Variants in SKIC3 observed in about 807,000 individuals in gnomAD.
SKIC3 encodes SKI3 subunit of superkiller complex, also known as superkiller complex protein 3.
the SKIC3 span, chr5:95,530,315 T>C: frequency 6.7e-7 from 1 of 1,500,412 alleles, no homozygotes; most frequent in South Asian, 1.2e-5. Flanking sequence ...AAAATCTGCC[T>C]TTATATTCTT....
chr5:95,498,582 T>C, the SKIC3 span: 1 of 1,613,902 alleles, frequency 6.2e-7, no homozygotes, highest in African/African-American at 1.3e-5. Context: ...TTGGTTCCTT[T>C]AAGATAGAGC....
At chr5:95,468,046 C>A in the SKIC3 span, 1 of 1,598,380 alleles carries the variant, frequency 6.3e-7, no homozygotes, top group South Asian at 1.1e-5. Context: ...TAAGATATTT[C>A]CTATACTAAT....
the SKIC3 span, chr5:95,514,833 A>AACT: frequency 6.2e-7 from 1 of 1,608,260 alleles, no homozygotes; most frequent in Non-Finnish European, 8.5e-7. Flanking sequence ...GCTTATTAGT[A>AACT]ACTATATGTT....
At chr5:95,521,997 C>G in the SKIC3 span, 5 of 1,606,392 alleles carry the variant, frequency 3.1e-6, no homozygotes, top group Non-Finnish European at 4.2e-6. Flanking sequence ...GAAATCTACT[C>G]AAGGATTTTA....
At chr5:95,528,078 C>T in the SKIC3 span, 5 of 1,613,716 alleles carry the variant, frequency 3.1e-6, no homozygotes, top group Non-Finnish European at 3.4e-6. Flanking sequence ...AAAGCCTCTG[C>T]TTTCAAATGA....
chr5:95,538,935 A>T, the SKIC3 span, among the ~76,000 whole-genome samples: 1 of 152,200 alleles, frequency 6.6e-6, no homozygotes, highest in Non-Finnish European at 1.5e-5. Context: ...GTTTTGTGAA[A>T]GCCAATTCAG....
chr5:95,500,517 T>A, the SKIC3 span, among the ~76,000 whole-genome samples: 1 of 152,208 alleles, frequency 6.6e-6, no homozygotes. Context: ...AACATTTTAT[T>A]TTATACATCA....
the SKIC3 span, chr5:95,502,877 T>C: frequency 1.8e-5 from 29 of 1,613,228 alleles, no homozygotes; most frequent in Admixed American, 4.7e-4. Context: ...CAACTATACA[T>C]ACCATTTAAA....
At chr5:95,467,869 A>C in the SKIC3 span, 1 of 1,613,610 alleles carries the variant, frequency 6.2e-7, no homozygotes, top group South Asian at 1.1e-5. Context: ...GCCTTACGTC[A>C]ATAAGCTCAT....
chr5:95,497,594 C>T, the SKIC3 span: 16 of 822,950 alleles, frequency 1.9e-5, no homozygotes, highest in South Asian at 2.4e-4. Flanking sequence ...ATATCTAAAA[C>T]AAGTTCATAT....
the SKIC3 span, among the ~76,000 whole-genome samples, chr5:95,485,751 A>G: frequency 6.6e-6 from 1 of 152,212 alleles, no homozygotes; most frequent in Non-Finnish European, 1.5e-5. Context: ...TATTCAAGAT[A>G]GCTGATTAGA....
the SKIC3 span, chr5:95,537,256 T>G: frequency 1.1e-5 from 10 of 947,118 alleles, no homozygotes; most frequent in South Asian, 1.5e-4. Context: ...TATTCTACAG[T>G]CTAACCCTGA....
chr5:95,529,362 G>A, the SKIC3 span: 14 of 511,584 alleles, frequency 2.7e-5, no homozygotes, highest in Admixed American at 6.4e-5. Context: ...TCTTTACACT[G>A]TAGCTAGAAT....
the SKIC3 span, among the ~76,000 whole-genome samples, chr5:95,538,674 GGT>G: frequency 2.4e-4 from 37 of 152,014 alleles, no homozygotes; most frequent in African/African-American, 8.4e-4. Context: ...TTCCAAATGT[GGT>G]TCAAAACCAA....
chr5:95,524,010 C>T, the SKIC3 span, among the ~76,000 whole-genome samples: 1 of 152,088 alleles, frequency 6.6e-6, no homozygotes, highest in Non-Finnish European at 1.5e-5. Flanking sequence ...AAAGCTGTCC[C>T]TCACTGCTTA....
the SKIC3 span, chr5:95,536,761 A>T: frequency 2.2e-6 from 3 of 1,378,286 alleles, no homozygotes; most frequent in African/African-American, 1.4e-5. Context: ...GATTAATAAC[A>T]TCACTCACAT....
chr5:95,531,788 A>G, the SKIC3 span, among the ~76,000 whole-genome samples: 3 of 152,260 alleles, frequency 2.0e-5, no homozygotes, highest in Admixed American at 2.0e-4. Flanking sequence ...TATGACCTTT[A>G]CTATTAGTCT....
At chr5:95,534,120 A>G in the SKIC3 span, among the ~76,000 whole-genome samples, 1 of 152,122 alleles carries the variant, frequency 6.6e-6, no homozygotes, top group Non-Finnish European at 1.5e-5. Flanking sequence ...GCCATACAAT[A>G]AAGAAAATCA....
chr5:95,501,801 T>A, the SKIC3 span, among the ~76,000 whole-genome samples: 2 of 152,168 alleles, frequency 1.3e-5, no homozygotes, highest in Non-Finnish European at 2.9e-5. Context: ...TTGCCCTTGA[T>A]AACTGCAGTA....
Sources: gnomAD v4.1 joint callset for allele counts (sites outside exome capture counted in the v4.1 genomes callset) on GRCh38, gnomAD v4.1.1 for gene constraint, MANE v1.5 for transcripts, NCBI Gene and HGNC (gene_info 2026-07-23, HGNC 2026-07-21) for gene names.